The following HVCN1 variants were observed in gnomAD, a reference collection of about 807,000 sequenced individuals.
HVCN1 encodes the protein voltage-gated hydrogen channel 1.
A neutral mutation model predicts 29.2 loss-of-function variants in HVCN1; 14 were observed. The observed-to-expected ratio is 0.48, with a 90% CI of 0.32 to 0.75. The LOEUF (loss-of-function observed/expected upper bound fraction) is 0.75. Among genes scored for constraint, HVCN1 ranks in the 30% least tolerant of loss-of-function variants. The pLI, the probability that HVCN1 is intolerant of heterozygous loss-of-function variation, is 0.04. For missense variants in HVCN1, 263 were observed against 341.8 expected (o/e 0.77, Z 1.82); for synonymous variants, 131 against 133.2 (o/e 0.98, Z 0.11).
intron 3 of HVCN1, among the ~76,000 whole-genome samples, chr12:110,672,332 G>A (rs966576184): frequency 7.2e-5 from 11 of 152,178 alleles, no homozygotes; most frequent in African/African-American, 2.4e-4. Context: ...AGACTCCCAC[G>A]TGCACACAGG....
At position 110,684,942 on chromosome 12, in the gene HVCN1, TA is replaced by T. The variant is rs981794413; in HGVS notation, c.-19-1679del. On this transcript the variant is annotated intron_variant, in intron 2 of 7. Coordinates refer to ENST00000242607, the MANE Select transcript of HVCN1 (RefSeq NM_032369.4). ...GATACTCTCCCCCAACCTTTTATTT[TA>T]TTTTTTTTGTAAACAAATGTGAACC... Among the ~76,000 whole-genome samples the T allele has an allele frequency of 4.6e-5, 7 of 152,312 alleles. No individual in the cohort carries two copies. In the East Asian group the frequency reaches 7.7e-4, roughly 17 times the overall value.
intron 2 of HVCN1, among the ~76,000 whole-genome samples, chr12:110,685,818 T>G (rs910265200): frequency 6.6e-6 from 1 of 151,950 alleles, no homozygotes; most frequent in African/African-American, 2.4e-5. Flanking sequence ...ACCTCCCGAG[T>G]AGCTGGGACT....
chr12:110,698,781 G>A (rs1393838356), intron 2 of HVCN1, among the ~76,000 whole-genome samples: 1 of 152,178 alleles, frequency 6.6e-6, no homozygotes, highest in African/African-American at 2.4e-5. Context: ...TTTTTGAGAG[G>A]AGTGGACCTG....
At chr12:110,704,359 A>G (rs1488127898) in intron 1 of HVCN1, among the ~76,000 whole-genome samples, 2 of 152,272 alleles carry the variant, frequency 1.3e-5, no homozygotes, top group East Asian at 3.9e-4. Context: ...TATACAAAAA[A>G]TAGTGTGGGC....
chr12:110,698,225 C>G (rs1489203353), intron 2 of HVCN1, among the ~76,000 whole-genome samples: 1 of 152,126 alleles, frequency 6.6e-6, no homozygotes, highest in East Asian at 1.9e-4. Context: ...GTCTTGAACT[C>G]CTAGCTTCAA....
intron 2 of HVCN1, among the ~76,000 whole-genome samples, chr12:110,684,818 T>C (rs1209064454): frequency 6.6e-6 from 1 of 152,224 alleles, no homozygotes; most frequent in African/African-American, 2.4e-5. Context: ...CAGTCTCCCC[T>C]CTACCCATTA....
chr12:110,650,764 G>T (rs1287706621), intron 6 of HVCN1, among the ~76,000 whole-genome samples: 3 of 150,742 alleles, frequency 2.0e-5, no homozygotes, highest in African/African-American at 7.3e-5. Context: ...CACAATCTTG[G>T]CTTATTGCAG....
chr12:110,687,942 G>C (rs896087044), intron 2 of HVCN1: 7 of 152,292 alleles, frequency 4.6e-5, no homozygotes, highest in African/African-American at 1.7e-4. Context: ...TTTCCCTCTG[G>C]GGAGTCAGCC....
chr12:110,673,966 C>T (rs1301350645), intron 3 of HVCN1, among the ~76,000 whole-genome samples: 1 of 152,230 alleles, frequency 6.6e-6, no homozygotes, highest in South Asian at 2.1e-4. Context: ...AAGAGGGCCA[C>T]AGTCCTCCAG....
At chr12:110,680,219 C>T (rs1282268199) in intron 3 of HVCN1, among the ~76,000 whole-genome samples, 3 of 152,142 alleles carry the variant, frequency 2.0e-5, no homozygotes, top group African/African-American at 7.2e-5. Flanking sequence ...CTGACAACAC[C>T]CTCTCAGGCT....
intron 3 of HVCN1, among the ~76,000 whole-genome samples, chr12:110,681,649 A>G (rs2136431284): frequency 6.6e-6 from 1 of 152,218 alleles, no homozygotes; most frequent in South Asian, 2.1e-4. Context: ...ATTTGATGAA[A>G]TACACAATCA....
intron 4 of HVCN1, among the ~76,000 whole-genome samples, chr12:110,657,953 C>A (rs1203914521): frequency 6.6e-6 from 1 of 152,220 alleles, no homozygotes; most frequent in Non-Finnish European, 1.5e-5. Context: ...ATGCTGGAAG[C>A]TTCAGCGTCC....
chr12:110,651,147 G>A (rs984429482), intron 6 of HVCN1, 70 bp downstream of exon 6: 13 of 1,144,190 alleles, frequency 1.1e-5, no homozygotes, highest in Middle Eastern at 2.6e-4. Flanking sequence ...GAGTGACTGC[G>A]CAGTCAGGCC....
chr12:110,699,464 C>T (rs547412122), intron 2 of HVCN1, among the ~76,000 whole-genome samples: 1 of 152,188 alleles, frequency 6.6e-6, no homozygotes, highest in South Asian at 2.1e-4. Context: ...ATGGGGGCCC[C>T]ACTGCCTTCC....
At chr12:110,696,983 T>G (rs1408158530) in intron 2 of HVCN1, among the ~76,000 whole-genome samples, 1 of 151,856 alleles carries the variant, frequency 6.6e-6, no homozygotes, top group African/African-American at 2.4e-5. Flanking sequence ...GGGGCATGAT[T>G]CCAGATCCAT....
chr12:110,691,618 C>T (rs1009945007), upstream of HVCN1, among the ~76,000 whole-genome samples: 2 of 152,166 alleles, frequency 1.3e-5, no homozygotes, highest in East Asian at 1.9e-4. Flanking sequence ...ACAAGTACCC[C>T]GTCCCCTAGT....
At chr12:110,688,481 C>T (rs1260448064) in intron 2 of HVCN1, 144 bp downstream of exon 2, 2 of 152,412 alleles carry the variant, frequency 1.3e-5, no homozygotes, top group African/African-American at 2.4e-5. Flanking sequence ...CCCCGGGGCT[C>T]CTCCTTCAGG....
chr12:110,690,281 G>A (rs1225602367), upstream of HVCN1, among the ~76,000 whole-genome samples: 1 of 152,146 alleles, frequency 6.6e-6, no homozygotes, highest in Non-Finnish European at 1.5e-5. Context: ...GATAATCCAG[G>A]CTAATCTCTC....
chr12:110,694,647 G>A (rs2069462249), upstream of HVCN1, among the ~76,000 whole-genome samples: 1 of 152,220 alleles, frequency 6.6e-6, no homozygotes, highest in Non-Finnish European at 1.5e-5. This position sits in a 1 kb window ranked among gnomAD's most constrained non-coding sequence, Gnocchi z 4.6. Flanking sequence ...GAGACAGGGT[G>A]GGGGTTCTGC....
Sources: allele counts gnomAD v4.1 joint callset (sites outside exome capture counted in the v4.1 genomes callset), GRCh38; gene constraint gnomAD v4.1.1; non-coding constraint Gnocchi (gnomAD v3.1); transcripts MANE v1.5; gene names NCBI Gene and HGNC (gene_info 2026-07-23, HGNC 2026-07-21).